KCNMB2: variants seen among roughly 807,000 people sequenced by gnomAD.
KCNMB2 encodes potassium calcium-activated channel subfamily M regulatory beta subunit 2.
In KCNMB2, 9 loss-of-function variants were observed where a neutral mutation model predicts 24.5. The observed-to-expected ratio is 0.37, with a 90% CI of 0.22 to 0.64. KCNMB2 has a LOEUF of 0.64. KCNMB2 is among the 30% of genes least tolerant of loss of function. The pLI, the probability that KCNMB2 is intolerant of heterozygous loss-of-function variation, is 0.63. For missense variants in KCNMB2, 226 were observed against 284.3 expected (o/e 0.79, Z 1.47); for synonymous variants, 109 against 104.4 (o/e 1.04, Z -0.27).
chr3:178,756,708 C>CT (rs1315628322), intron 1 of KCNMB2, among the ~76,000 whole-genome samples: 2 of 152,100 alleles, frequency 1.3e-5, no homozygotes, highest in Non-Finnish European at 2.9e-5. Context: ...ACTGATGCTA[C>CT]TTTAGCACTT....
At chr3:178,778,092 G>T (rs1214611227) in intron 1 of KCNMB2, among the ~76,000 whole-genome samples, 1 of 152,084 alleles carries the variant, frequency 6.6e-6, no homozygotes, top group Non-Finnish European at 1.5e-5. Context: ...TCTACAATTT[G>T]CTTGCAGTGT....
chr3:178,728,456 A>G (rs1021409003), intron 1 of KCNMB2, among the ~76,000 whole-genome samples: 21 of 152,198 alleles, frequency 1.4e-4, no homozygotes, highest in Admixed American at 3.3e-4. Context: ...GGAGGCATCA[A>G]GCAATGCTGC....
At chr3:178,617,778 C>T (rs537331542) in intron 1 of KCNMB2, among the ~76,000 whole-genome samples, 4 of 151,160 alleles carry the variant, frequency 2.6e-5, no homozygotes, top group Admixed American at 1.3e-4. Context: ...GTAGTCCCAG[C>T]TACTCTGGAG....
At chr3:178,617,354 C>G (rs930988002) in intron 1 of KCNMB2, among the ~76,000 whole-genome samples, 1 of 150,438 alleles carries the variant, frequency 6.6e-6, no homozygotes, top group Admixed American at 6.6e-5. Flanking sequence ...GTCAGGAGAT[C>G]GAGACCATCC....
Position 178,711,638 on chromosome 3 carries a change from A to G in KCNMB2, c.-67-95705A>G, listed in dbSNP as rs568095366. 3.4e-4 allele frequency among the ~76,000 whole-genome samples: 31 copies of G among 90,328 alleles called. No homozygotes were observed. In the South Asian group the frequency reaches 3.7e-3, roughly 11 times the overall value. The allele number at this position is 90,328 out of a possible 152,430, so 59.3% of individuals were successfully genotyped here. A position where few individuals can be genotyped will look rare whatever the true frequency, so the allele number is the denominator to read the frequency against. ...CCTATACGAAACCCAGAGAAAACAG[A>G]GTCTTCAGAACAGTCCAAAAGCCCC... On this transcript the variant is annotated intron_variant, in intron 1 of 4. Transcript: ENST00000452583.
At chr3:178,677,245 C>CA (rs1260723440) in intron 1 of KCNMB2, among the ~76,000 whole-genome samples, 12 of 152,334 alleles carry the variant, frequency 7.9e-5, no homozygotes, top group African/African-American at 2.6e-4. Flanking sequence ...CTTCCTGACT[C>CA]AGAGATTTCC....
chr3:178,618,159 A>C (rs916671746), intron 1 of KCNMB2, among the ~76,000 whole-genome samples: 17 of 152,132 alleles, frequency 1.1e-4, no homozygotes, highest in Admixed American at 7.9e-4. Flanking sequence ...CCACAAGCTC[A>C]AATTCTTACT....
rs570965521 is a variant in KCNMB2, at chr3:178,807,374, A to C, written c.-36A>C. The C allele has an allele frequency of 1.6e-5, 25 of 1,593,342 alleles. No individual in the cohort carries two copies. The Admixed American group carries it at 4.2e-4, about 27-fold the overall frequency. ...TTGCCATTCCTCCAGGACATCCACC[A>C]TAAGGAAAGGAGACCCTGGACCAAC... On this transcript the variant is annotated 5_prime_UTR_variant, in exon 2 of 5. Transcript: ENST00000452583.
chr3:178,716,554 C>T (rs1240180186), intron 1 of KCNMB2, among the ~76,000 whole-genome samples: 1 of 151,836 alleles, frequency 6.6e-6, no homozygotes, highest in African/African-American at 2.4e-5. Context: ...AGCGATTGTC[C>T]TGCCTCAGCT....
chr3:178,754,736 C>G (rs557693411), intron 1 of KCNMB2, among the ~76,000 whole-genome samples: 2 of 152,334 alleles, frequency 1.3e-5, no homozygotes, highest in South Asian at 4.1e-4. Context: ...GGCGAAGTGA[C>G]TTGCTCAAGG....
At chr3:178,586,538 C>CGTTTTT (rs1313147122) in intron 1 of KCNMB2, among the ~76,000 whole-genome samples, 6 of 68,496 alleles carry the variant, frequency 8.8e-5, no homozygotes, top group African/African-American at 3.4e-4. Flanking sequence ...TTTTTTCTTT[C>CGTTTTT]TTTTTTTTTT....
intron 1 of KCNMB2, among the ~76,000 whole-genome samples, chr3:178,741,025 C>G (rs995316581): frequency 7.2e-5 from 11 of 151,992 alleles, no homozygotes; most frequent in African/African-American, 2.4e-4. Context: ...GCATGAAAGC[C>G]CAAAAGTAAG....
intron 1 of KCNMB2, chr3:178,749,285 CTCA>C (rs1413175550): frequency 6.6e-6 from 1 of 152,148 alleles, no homozygotes; most frequent in Non-Finnish European, 1.5e-5. Flanking sequence ...CCTTTCTTTT[CTCA>C]TGAGAGACGT....
At chr3:178,814,643 G>C (rs908570854) in intron 2 of KCNMB2, among the ~76,000 whole-genome samples, 26 of 152,160 alleles carry the variant, frequency 1.7e-4, no homozygotes, top group South Asian at 4.2e-4. Context: ...ACCAAGATTT[G>C]TTATTTTTGG....
chr3:178,678,556 T>C (rs1721150406), intron 1 of KCNMB2, among the ~76,000 whole-genome samples: 1 of 152,212 alleles, frequency 6.6e-6, no homozygotes, highest in Admixed American at 6.5e-5. Context: ...AAACTGGAGT[T>C]GCCTTGGAAC....
intron 1 of KCNMB2, among the ~76,000 whole-genome samples, chr3:178,595,835 A>C (rs2108503286): frequency 6.6e-6 from 1 of 152,276 alleles, no homozygotes; most frequent in South Asian, 2.1e-4. Flanking sequence ...GCGCAGGATG[A>C]CAAGTAGTAT....
chr3:178,716,184 T>G (rs1722612125), intron 1 of KCNMB2, among the ~76,000 whole-genome samples: 1 of 152,240 alleles, frequency 6.6e-6, no homozygotes, highest in Non-Finnish European at 1.5e-5. Context: ...CTCTTCCATA[T>G]TTGATATTTC....
chr3:178,606,247 G>C (rs1029154807), intron 1 of KCNMB2, among the ~76,000 whole-genome samples: 11 of 152,260 alleles, frequency 7.2e-5, no homozygotes, highest in Admixed American at 3.3e-4. Context: ...TATCATCAGA[G>C]ATGCCTCTTC....
intron 1 of KCNMB2, among the ~76,000 whole-genome samples, chr3:178,787,352 T>C (rs1316111488): frequency 6.6e-6 from 1 of 152,194 alleles, no homozygotes; most frequent in Non-Finnish European, 1.5e-5. Flanking sequence ...CTCACATATA[T>C]TCACGTTACA....
Sources: allele counts gnomAD v4.1 joint callset (sites outside exome capture counted in the v4.1 genomes callset), GRCh38; gene constraint gnomAD v4.1.1; transcripts MANE v1.5; gene names NCBI Gene and HGNC (gene_info 2026-07-23, HGNC 2026-07-21).